ZNF423: variants seen among roughly 807,000 people sequenced by gnomAD.
The protein encoded by ZNF423 is Ebf-associated zinc finger protein.
Under a neutral mutation model 95.8 loss-of-function variants are expected in ZNF423, and 12 were observed. The observed-to-expected ratio is 0.13, with a 90% CI of 0.08 to 0.20. ZNF423 has a LOEUF of 0.20. Ranked by LOEUF, ZNF423 falls within the 10% of genes least tolerant of loss-of-function variation. The pLI, the probability that ZNF423 is intolerant of heterozygous loss-of-function variation, is 1.00. For missense variants in ZNF423, 1,316 were observed against 1,737.1 expected (o/e 0.76, Z 4.31); for synonymous variants, 749 against 711.9 (o/e 1.05, Z -0.83).
intron 7 of ZNF423, among the ~76,000 whole-genome samples, chr16:49,503,712 C>T (rs1368820187): frequency 2.0e-5 from 3 of 152,222 alleles, no homozygotes; most frequent in Non-Finnish European, 4.4e-5. Context: ...AACTGCCCCT[C>T]ATGACACCAT....
At chr16:49,838,533 C>T (rs1415431371) in intron 1 of ZNF423, among the ~76,000 whole-genome samples, 1 of 152,306 alleles carries the variant, frequency 6.6e-6, no homozygotes, top group African/African-American at 2.4e-5. Context: ...CAGCCCCACC[C>T]CAAAGCGGAG....
At chr16:49,665,586 T>C (rs1291242099) in intron 3 of ZNF423, among the ~76,000 whole-genome samples, 1 of 152,100 alleles carries the variant, frequency 6.6e-6, no homozygotes, top group Admixed American at 6.5e-5. Context: ...GGCCTGGAAG[T>C]GAGACTGAGG....
At chr16:49,841,331 C>A (rs2035180757) in intron 1 of ZNF423, among the ~76,000 whole-genome samples, 1 of 152,120 alleles carries the variant, frequency 6.6e-6, no homozygotes, top group Admixed American at 6.6e-5. Flanking sequence ...ACCTTGGACA[C>A]CTAGCTTGCC....
intron 2 of ZNF423, among the ~76,000 whole-genome samples, chr16:49,746,763 C>A (rs1021530831): frequency 6.6e-6 from 1 of 152,132 alleles, no homozygotes; most frequent in Non-Finnish European, 1.5e-5. Flanking sequence ...TGAACCACCA[C>A]GCCCAGCCAA....
chr16:49,776,561 C>A (rs1458283513), intron 2 of ZNF423, among the ~76,000 whole-genome samples: 1 of 152,250 alleles, frequency 6.6e-6, no homozygotes, highest in African/African-American at 2.4e-5. Flanking sequence ...CCAGCCTCCC[C>A]CAGCCCCGAC....
At chr16:49,534,754 T>C (rs1968996999) in intron 5 of ZNF423, among the ~76,000 whole-genome samples, 2 of 152,224 alleles carry the variant, frequency 1.3e-5, no homozygotes, top group Admixed American at 1.3e-4. Flanking sequence ...TGTTCTCTCA[T>C]GGCACGTCCT....
At chr16:49,663,355 G>A (rs779728379) in intron 3 of ZNF423, among the ~76,000 whole-genome samples, 43 of 152,242 alleles carry the variant, frequency 2.8e-4, no homozygotes, top group Admixed American at 4.6e-4. Flanking sequence ...ACAAGTGGCT[G>A]GCCACGAGAA....
chr16:49,776,720 G>A (rs2034127697), intron 2 of ZNF423, among the ~76,000 whole-genome samples: 1 of 152,246 alleles, frequency 6.6e-6, no homozygotes, highest in Non-Finnish European at 1.5e-5. Flanking sequence ...CCAAGACTGG[G>A]GTCTAGGTCC....
intron 1 of ZNF423, among the ~76,000 whole-genome samples, chr16:49,851,206 T>C (rs1023303691): frequency 4.6e-5 from 7 of 152,178 alleles, no homozygotes; most frequent in South Asian, 2.1e-4. Flanking sequence ...CACTACAGAA[T>C]GGACAGAAAT....
chr16:49,677,223 C>T (rs1455003520), intron 3 of ZNF423, among the ~76,000 whole-genome samples: 4 of 41,630 alleles, frequency 9.6e-5, no homozygotes, highest in Non-Finnish European at 2.1e-4. Context: ...AACATAGAAA[C>T]AAGAAAAGAG....
chr16:49,622,618 C>T (rs1269051617), intron 5 of ZNF423, among the ~76,000 whole-genome samples: 1 of 152,226 alleles, frequency 6.6e-6, no homozygotes, highest in Admixed American at 6.5e-5. Context: ...CCTGCATGCC[C>T]ATCAGCCTTC....
At chr16:49,760,556 T>C (rs183119162) in intron 2 of ZNF423, among the ~76,000 whole-genome samples, 3 of 152,124 alleles carry the variant, frequency 2.0e-5, no homozygotes, top group Non-Finnish European at 2.9e-5. Context: ...GTGCTAGGGA[T>C]AGAGGATACG....
intron 7 of ZNF423, among the ~76,000 whole-genome samples, chr16:49,512,649 G>C (rs914481779): frequency 6.6e-6 from 1 of 152,146 alleles, no homozygotes; most frequent in African/African-American, 2.4e-5. Context: ...ATTGGAAAAG[G>C]GCCACAATGA....
intron 5 of ZNF423, among the ~76,000 whole-genome samples, chr16:49,530,982 G>A (rs749288308): frequency 7.9e-5 from 12 of 152,222 alleles, no homozygotes; most frequent in Non-Finnish European, 1.3e-4. Context: ...CTGGTCAGAA[G>A]GAAGACAGAG....
intron 3 of ZNF423, among the ~76,000 whole-genome samples, chr16:49,680,305 T>A (rs2031295412): frequency 6.6e-6 from 1 of 152,270 alleles, no homozygotes; most frequent in African/African-American, 2.4e-5. Flanking sequence ...AGAGGTGTTC[T>A]GTCACTCATT....
At chr16:49,665,614 G>A (rs1053725259) in intron 3 of ZNF423, among the ~76,000 whole-genome samples, 2 of 152,056 alleles carry the variant, frequency 1.3e-5, no homozygotes, top group Non-Finnish European at 2.9e-5. Context: ...CAGGTTTCAC[G>A]GAGCCTCCTC....
intron 1 of ZNF423, among the ~76,000 whole-genome samples, chr16:49,840,468 G>A (rs186485724): frequency 6.6e-5 from 10 of 152,238 alleles, no homozygotes; most frequent in Non-Finnish European, 1.2e-4. Flanking sequence ...CTTCTTTCTC[G>A]TTACAGGGTC....
intron 3 of ZNF423, among the ~76,000 whole-genome samples, chr16:49,694,823 T>C (rs1221424537): frequency 6.6e-6 from 1 of 152,218 alleles, no homozygotes; most frequent in East Asian, 1.9e-4. Flanking sequence ...GGGAGAGCCT[T>C]GGGAAATACT....
chr16:49,619,921 A>AGACTG (rs1165901272), intron 5 of ZNF423, among the ~76,000 whole-genome samples: 1 of 152,136 alleles, frequency 6.6e-6, no homozygotes, highest in African/African-American at 2.4e-5. Flanking sequence ...CTTCCACTCC[A>AGACTG]GACTGTCCTC....
Sources: allele counts gnomAD v4.1 joint callset (sites outside exome capture counted in the v4.1 genomes callset), GRCh38; gene constraint gnomAD v4.1.1; transcripts MANE v1.5; gene names NCBI Gene and HGNC (gene_info 2026-07-23, HGNC 2026-07-21).